LSM4: variants seen among roughly 807,000 people sequenced by gnomAD.
LSM4 encodes LSM4 homolog, U6 small nuclear RNA and mRNA degradation associated, also known as U6 snRNA-associated Sm-like protein LSm4.
LSM4 carries 15 observed loss-of-function variants against 22.3 expected under a neutral mutation model. That is an observed-to-expected ratio of 0.67 (90% CI 0.45 to 1.03). LSM4 has a LOEUF of 1.03. Ranked by LOEUF, LSM4 falls within the 50% of genes least tolerant of loss-of-function variation. The pLI, the probability that LSM4 is intolerant of heterozygous loss-of-function variation, is 0.00. For synonymous variants in LSM4, 90 were observed against 79.8 expected (o/e 1.13, Z -0.68); for missense variants, 127 against 198.0 (o/e 0.64, Z 2.15).
At chr19:18,315,961 A>G in intron 2 of LSM4, 63 bp downstream of exon 2, 1 of 1,520,608 alleles carries the variant, frequency 6.6e-7, no homozygotes, top group South Asian at 1.1e-5. Context: ...CTGCTCAGCC[A>G]CCGCCCCTGT....
At chr19:18,316,731 A>G (rs985968140) in intron 1 of LSM4, among the ~76,000 whole-genome samples, 1 of 152,014 alleles carries the variant, frequency 6.6e-6, no homozygotes, top group African/African-American at 2.4e-5. Context: ...AGTTGAGGAC[A>G]CTACAGCTTG....
chr19:18,306,461 G>T lies in LSM4; in HGVS notation c.*1003C>A, dbSNP rs1385762255. Reference sequence around the variant, plus strand: ...GGCAAACCCGGCCTGGCTCAGAAAGGGGGCAGGAGCCTCGTGAGAATCTTC... The same window carrying T: ...GGCAAACCCGGCCTGGCTCAGAAAGTGGGCAGGAGCCTCGTGAGAATCTTC... On this transcript the variant is annotated 3_prime_UTR_variant, in exon 5 of 5. Coordinates refer to ENST00000593829, the MANE Select transcript of LSM4 (RefSeq NM_012321.5). 1.3e-5 allele frequency: 2 copies of T among 152,238 alleles called. No homozygotes were observed. The highest frequency in any genetic ancestry group is 2.9e-5 in the Non-Finnish European group (2 of 68,078). 9.4% of individuals were successfully genotyped at this position (152,238 alleles called of 1,614,324 possible). A position where few individuals can be genotyped will look rare whatever the true frequency, so the allele number is the denominator to read the frequency against.
In LSM4 at chr19:18,307,412, C is replaced by T. The variant is rs1014076044; in HGVS notation, c.*52G>A. 6.2e-5 allele frequency: 88 copies of T among 1,416,794 alleles called. No homozygotes were observed. Among genetic ancestry groups the T allele is most frequent in the Admixed American group, 5.0e-5 (2 of 40,224 alleles). 87.8% of individuals were successfully genotyped at this position (1,416,794 alleles called of 1,614,324 possible). ...AGCAGATCCGTCCGAGACTGTGGAGCGGAATCGCCACCCTGGCAGGAGGGG... is the reference window on the plus strand; with the variant it reads ...AGCAGATCCGTCCGAGACTGTGGAGTGGAATCGCCACCCTGGCAGGAGGGG... On this transcript the variant is annotated 3_prime_UTR_variant, in exon 5 of 5. Transcript: ENST00000593829.
intron 3 of LSM4, among the ~76,000 whole-genome samples, chr19:18,310,644 C>T (rs192973498): frequency 3.3e-4 from 50 of 152,308 alleles, no homozygotes; most frequent in Admixed American, 9.8e-4. Flanking sequence ...AGCCCCGCCC[C>T]ACCGCCCAGG....
chr19:18,319,074 C>A (rs151265984), intron 1 of LSM4, among the ~76,000 whole-genome samples: 1 of 152,092 alleles, frequency 6.6e-6, no homozygotes, highest in Admixed American at 6.6e-5. Context: ...AAAACCCCAC[C>A]TCTACTAAAA....
chr19:18,313,156 T>G (rs1460441214), intron 2 of LSM4, among the ~76,000 whole-genome samples: 1 of 151,130 alleles, frequency 6.6e-6, no homozygotes, highest in Non-Finnish European at 1.5e-5. Context: ...GAGGCGGAGG[T>G]TGCAGTGAGT....
chr19:18,308,965 A>T (rs1970265245), intron 4 of LSM4, among the ~76,000 whole-genome samples: 1 of 151,986 alleles, frequency 6.6e-6, no homozygotes, highest in South Asian at 2.1e-4. Flanking sequence ...TCTCTCAACA[A>T]CCTTGACCCC....
chr19:18,310,104 A>C, intron 3 of LSM4: 1 of 526,744 alleles, frequency 1.9e-6, no homozygotes, highest in Admixed American at 4.0e-5. Context: ...CCCATTGTGC[A>C]CTCACAAGGA....
chr19:18,308,438 C>T (rs925296928), intron 4 of LSM4, among the ~76,000 whole-genome samples: 2 of 152,214 alleles, frequency 1.3e-5, no homozygotes, highest in African/African-American at 2.4e-5. Context: ...TCTAGCTGGA[C>T]GAACGCTTGA....
chr19:18,309,006 C>G (rs1457448424), intron 4 of LSM4, among the ~76,000 whole-genome samples: 1 of 152,188 alleles, frequency 6.6e-6, no homozygotes, highest in East Asian at 1.9e-4. Flanking sequence ...GCCGGGGACC[C>G]CAGAGGCCCC....
intron 1 of LSM4, among the ~76,000 whole-genome samples, chr19:18,320,385 T>C (rs1396736438): frequency 6.6e-6 from 1 of 152,144 alleles, no homozygotes; most frequent in African/African-American, 2.4e-5. Flanking sequence ...TGCATGCCTG[T>C]GGTCCCAGCT....
intron 1 of LSM4, among the ~76,000 whole-genome samples, chr19:18,317,025 A>G (rs766039505): frequency 3.3e-5 from 5 of 152,042 alleles, no homozygotes; most frequent in Non-Finnish European, 7.4e-5. Flanking sequence ...GTGCTGAGGC[A>G]GGAGGATTGC....
chr19:18,309,583 C>T (rs567367334), intron 4 of LSM4, 95 bp downstream of exon 4: 127 of 1,357,826 alleles, frequency 9.4e-5, no homozygotes, highest in Admixed American at 1.7e-4. Flanking sequence ...TGGGAGGCTC[C>T]GAGGCAGCGC....
At position 18,312,667 on chromosome 19, in the gene LSM4, T is replaced by G. The variant is rs1019173203; in HGVS notation, c.81A>C (p.Gly27=). The G allele has an allele frequency of 6.2e-7, 1 of 1,613,770 alleles. No homozygotes were observed. The highest frequency in any genetic ancestry group is 8.5e-7 in the Non-Finnish European group (1 of 1,179,868). ...TCCAGTTGTCGCAGCTCACCAGGTG[T>G]CCATTGTACGTCTCCCCATTTTTCA... is the stretch of plus-strand genomic sequence containing the variant. ...VELKNGETYN[G]HLVSCDNWMN... Residue 27 remains glycine (G), a synonymous_variant, in exon 3 of 5, where the codon GGA becomes GGC. Coordinates refer to ENST00000593829, the MANE Select transcript of LSM4 (RefSeq NM_012321.5).
chr19:18,318,008 C>T (rs1970378358), intron 1 of LSM4, among the ~76,000 whole-genome samples: 1 of 152,178 alleles, frequency 6.6e-6, no homozygotes, highest in African/African-American at 2.4e-5. Flanking sequence ...ATAACATGCC[C>T]GTTCTAGTAC....
At chr19:18,310,829 G>A (rs755794033) in intron 3 of LSM4, among the ~76,000 whole-genome samples, 22 of 152,180 alleles carry the variant, frequency 1.4e-4, no homozygotes, top group Admixed American at 1.3e-4. Flanking sequence ...CCGCCCTGGC[G>A]GTCCTCTCCC....
chr19:18,322,164 G>C (rs571928100), intron 1 of LSM4, among the ~76,000 whole-genome samples: 1 of 152,150 alleles, frequency 6.6e-6, no homozygotes, highest in Non-Finnish European at 1.5e-5. Flanking sequence ...ACCCCTGGGG[G>C]ACCCTCCTGG....
At chr19:18,318,219 C>T (rs747856656) in intron 1 of LSM4, among the ~76,000 whole-genome samples, 4 of 152,218 alleles carry the variant, frequency 2.6e-5, no homozygotes, top group Admixed American at 1.3e-4. Context: ...GAAGGCCTCT[C>T]CCTGTGGAGG....
rs560155035 is a variant in LSM4 at position 18,306,825 on chromosome 19, C to A, written c.*639G>T. The A allele has an allele frequency of 6.6e-6, 1 of 152,226 alleles. No homozygotes were observed. The highest frequency in any genetic ancestry group is 1.5e-5 in the Non-Finnish European group (1 of 68,046). The allele number at this position is 152,226 out of a possible 1,614,324, so 9.4% of individuals were successfully genotyped here. On this transcript the variant is annotated 3_prime_UTR_variant, in exon 5 of 5. Transcript: ENST00000593829. ...CAAAAGGAAGCTTCCCTTACGGGAA[C>A]GGGGATTTCCTGAGAGTCCAGCGAT...
Sources: gnomAD v4.1 joint callset for allele counts (sites outside exome capture counted in the v4.1 genomes callset) on GRCh38, gnomAD v4.1.1 for gene constraint, MANE v1.5 for transcripts, NCBI Gene and HGNC (gene_info 2026-07-23, HGNC 2026-07-21) for gene names.